UGT3A2: variants seen among roughly 807,000 people sequenced by gnomAD.
The protein encoded by UGT3A2 is UDP glycosyltransferase family 3 member A2.
A neutral mutation model predicts 39.8 loss-of-function variants in UGT3A2; 32 were observed. The ratio of observed to expected loss-of-function variants is 0.80; its 90% CI spans 0.61 to 1.08. The LOEUF (loss-of-function observed/expected upper bound fraction) is 1.08, where lower values mean the gene tolerates loss of function less well. Ranked by LOEUF, UGT3A2 falls within the 50% of genes least tolerant of loss-of-function variation. The pLI, the probability that UGT3A2 is intolerant of heterozygous loss-of-function variation, is 0.00. For missense variants in UGT3A2, 611 were observed against 637.1 expected, an observed-to-expected ratio of 0.96 and a Z score of 0.44; for synonymous variants, 241 against 230.7, an observed-to-expected ratio of 1.04 and a Z score of -0.40.
chr5:36,066,662 C>T (rs183499166), intron 1 of UGT3A2, 34 bp downstream of exon 1: 5 of 1,613,250 alleles, frequency 3.1e-6, no homozygotes, highest in Admixed American at 1.7e-5. Flanking sequence ...ATCCGGGACG[C>T]GCCTGTCTGG....
rs768538572 is a variant in UGT3A2 at position 36,039,784 on chromosome 5, G to C, written c.844-76C>G. The C allele has an allele frequency of 7.8e-5, 96 of 1,232,906 alleles. 1 individual carries two copies. The Middle Eastern group carries it at 2.1e-3, about 28-fold the overall frequency. The allele number at this position is 1,232,906 out of a possible 1,614,324, so 76.4% of individuals were successfully genotyped here. ...CTAGTTGACCAGAAAATGAAAGCCA[G>C]AGTATTTACTAACACAGTGCCCTGT... is the stretch of plus-strand genomic sequence containing the variant. On this transcript the variant is annotated intron_variant, in intron 4 of 6. Coordinates refer to ENST00000282507, the MANE Select transcript of UGT3A2 (RefSeq NM_174914.4).
chr5:36,039,398 TC>T lies in UGT3A2; in HGVS notation c.1075+78del. 3 of 1,392,770 alleles carry T rather than the reference TC, an allele frequency of 2.2e-6. No homozygotes were observed. The South Asian group carries it at 3.6e-5, about 17-fold the overall frequency. 86.3% of individuals were successfully genotyped at this position (1,392,770 alleles called of 1,614,324 possible). ...TACCATTCACCAGTGGGTACAAATG[TC>T]CAGCTAAAGGTCAGAGCCGTGATGA... is the stretch of plus-strand genomic sequence containing the variant. On this transcript the variant is annotated intron_variant, in intron 5 of 6. Coordinates refer to ENST00000282507, the MANE Select transcript of UGT3A2 (RefSeq NM_174914.4).
chr5:36,059,761 G>A (rs1223993347), intron 2 of UGT3A2, among the ~76,000 whole-genome samples: 12 of 152,208 alleles, frequency 7.9e-5, no homozygotes, highest in Admixed American at 7.9e-4. Context: ...TGTAGCTTGT[G>A]GAGCAGATGC....
Position 36,049,346 on chromosome 5 carries a change from T to C in UGT3A2, c.386A>G (p.Asp129Gly), listed in dbSNP as rs1295766114. The change falls in exon 4 of 7, where the codon GAT becomes GGT. Residue 129 changes from aspartate (D) to glycine (G), a missense_variant. Coordinates refer to ENST00000282507, the MANE Select transcript of UGT3A2 (RefSeq NM_174914.4). ...LQCSHFLNRK[D>G]IMDSLKNENF... ...CTCATTCTTTAAGGAATCCATGATATCCTTTCTATTTAAAAAATGACTGCA... is the reference window on the plus strand; with the variant it reads ...CTCATTCTTTAAGGAATCCATGATACCCTTTCTATTTAAAAAATGACTGCA... The C allele has an allele frequency of 2.5e-6, 4 of 1,610,908 alleles. No homozygotes were observed. The South Asian group carries it at 4.4e-5, about 18-fold the overall frequency.
At chr5:36,066,484 A>G (rs1450880377) in intron 1 of UGT3A2, among the ~76,000 whole-genome samples, 1 of 152,158 alleles carries the variant, frequency 6.6e-6, no homozygotes, top group African/African-American at 2.4e-5. Flanking sequence ...GTAAAGGAGA[A>G]TCTCTTTTCT....
intron 6 of UGT3A2, 88 bp from the exon 7 acceptor site, chr5:36,036,062 C>A (rs1554077420): frequency 9.3e-5 from 139 of 1,493,136 alleles, no homozygotes; most frequent in Non-Finnish European, 1.8e-6. Flanking sequence ...GCACCAAAGA[C>A]TGAGTTCCAA....
At chr5:36,037,339 A>C (rs1741861822) in intron 6 of UGT3A2, among the ~76,000 whole-genome samples, 1 of 152,208 alleles carries the variant, frequency 6.6e-6, no homozygotes, top group Admixed American at 6.5e-5. Context: ...GGACTGTCAG[A>C]GGCGAACTCT....
At chr5:36,058,743 A>G (rs757833357) in intron 2 of UGT3A2, among the ~76,000 whole-genome samples, 1 of 151,360 alleles carries the variant, frequency 6.6e-6, no homozygotes, top group Non-Finnish European at 1.5e-5. Context: ...CCCCTTCTTT[A>G]TAACAGTTTC....
chr5:36,061,114 G>A, intron 2 of UGT3A2, among the ~76,000 whole-genome samples: 1 of 152,142 alleles, frequency 6.6e-6, no homozygotes, highest in East Asian at 1.9e-4. Context: ...GGAGGTTGCA[G>A]TGAGCCAAGA....
intron 5 of UGT3A2, 46 bp from the exon 6 acceptor site, chr5:36,038,062 T>C: frequency 1.3e-6 from 2 of 1,537,550 alleles, no homozygotes; most frequent in Non-Finnish European, 1.7e-6. Context: ...GATGAAAATT[T>C]CAAAACATCA....
At chr5:36,039,250 G>A (rs1170238592) in intron 5 of UGT3A2, among the ~76,000 whole-genome samples, 1 of 152,188 alleles carries the variant, frequency 6.6e-6, no homozygotes. Context: ...CAGACATCAG[G>A]TCTGGGATAG....
chr5:36,059,183 C>T (rs575988694), intron 2 of UGT3A2, among the ~76,000 whole-genome samples: 1 of 152,100 alleles, frequency 6.6e-6, no homozygotes, highest in South Asian at 2.1e-4. Context: ...GCAGAAAAAA[C>T]TAAAGCCCAG....
intron 3 of UGT3A2, among the ~76,000 whole-genome samples, chr5:36,050,270 T>C (rs1045056319): frequency 6.6e-5 from 10 of 152,138 alleles, no homozygotes; most frequent in Admixed American, 2.0e-4. Flanking sequence ...GGACGATTCT[T>C]TTGCAATGTA....
chr5:36,048,544 G>T (rs1346594282), intron 4 of UGT3A2, among the ~76,000 whole-genome samples: 1 of 152,098 alleles, frequency 6.6e-6, no homozygotes, highest in Non-Finnish European at 1.5e-5. Context: ...CATGTAATGG[G>T]CACTAACTAC....
chr5:36,062,820 A>ACCTGAGGT (rs2111777126), intron 2 of UGT3A2, among the ~76,000 whole-genome samples: 1 of 152,278 alleles, frequency 6.6e-6, no homozygotes, highest in African/African-American at 2.4e-5. Context: ...CAGGAGGATT[A>ACCTGAGGT]CCTGAGGTCA....
intron 2 of UGT3A2, among the ~76,000 whole-genome samples, chr5:36,062,560 C>T (rs1366669739): frequency 6.9e-4 from 104 of 151,344 alleles, no homozygotes; most frequent in Admixed American, 1.8e-3. Flanking sequence ...TGTAGATATG[C>T]GGCGTTATTT....
chr5:36,060,874 G>A (rs1164722508), intron 2 of UGT3A2, among the ~76,000 whole-genome samples: 1 of 152,092 alleles, frequency 6.6e-6, no homozygotes, highest in Non-Finnish European at 1.5e-5. Context: ...TTGGAAATGG[G>A]GCCAGGTGCG....
chr5:36,049,952 A>T (rs1742287734), intron 3 of UGT3A2, among the ~76,000 whole-genome samples: 1 of 152,166 alleles, frequency 6.6e-6, no homozygotes, highest in South Asian at 2.1e-4. Context: ...TACAGCCAAA[A>T]ATCTCAGCCG....
intron 4 of UGT3A2, among the ~76,000 whole-genome samples, chr5:36,047,437 T>G (rs1446899724): frequency 6.6e-6 from 1 of 152,206 alleles, no homozygotes; most frequent in African/African-American, 2.4e-5. Flanking sequence ...CTTCCAAATA[T>G]TTCTTTGAAC....
Sources: gnomAD v4.1 joint callset for allele counts (sites outside exome capture counted in the v4.1 genomes callset) on GRCh38, gnomAD v4.1.1 for gene constraint, MANE v1.5 for transcripts, NCBI Gene and HGNC (gene_info 2026-07-23, HGNC 2026-07-21) for gene names.